CEP128: variants seen among roughly 807,000 people sequenced by gnomAD.
CEP128 encodes centrosomal protein 128kDa.
In CEP128, 132 loss-of-function variants were observed where a neutral mutation model predicts 156.7. The ratio of observed to expected loss-of-function variants is 0.84; its 90% CI spans 0.73 to 0.97. The LOEUF (loss-of-function observed/expected upper bound fraction) is 0.97, where lower values mean the gene tolerates loss of function less well. Among genes scored for constraint, CEP128 ranks in the 50% least tolerant of loss-of-function variants. CEP128 has a pLI of 0.00. For synonymous variants in CEP128, 469 were observed against 448.9 expected, an observed-to-expected ratio of 1.04 and a Z score of -0.57; for missense variants, 1,252 against 1,281.9, an observed-to-expected ratio of 0.98 and a Z score of 0.36.
upstream of CEP128, among the ~76,000 whole-genome samples, chr14:80,944,308 G>A (rs1324906306): frequency 2.6e-5 from 4 of 152,114 alleles, no homozygotes; most frequent in Non-Finnish European, 5.9e-5. Flanking sequence ...CACATGTTGG[G>A]GGAGGAACCT....
chr14:80,508,309 T>A (rs1282717203), intron 23 of CEP128, among the ~76,000 whole-genome samples: 3 of 152,174 alleles, frequency 2.0e-5, no homozygotes, highest in East Asian at 3.9e-4. Context: ...TTAAAAACTA[T>A]GGAAAAATTC....
intron 15 of CEP128, among the ~76,000 whole-genome samples, chr14:80,780,029 A>AT (rs1211400441): frequency 6.6e-6 from 1 of 152,212 alleles, no homozygotes; most frequent in African/African-American, 2.4e-5. Context: ...CAATGAGGTA[A>AT]TAGACCAATA....
intron 19 of CEP128, among the ~76,000 whole-genome samples, chr14:80,666,889 A>G (rs1432365863): frequency 1.3e-5 from 2 of 152,190 alleles, no homozygotes; most frequent in Non-Finnish European, 2.9e-5. Flanking sequence ...AAGCACTAAT[A>G]AACTTCCAAT....
intron 19 of CEP128, among the ~76,000 whole-genome samples, chr14:80,716,736 T>C (rs1897622186): frequency 6.6e-6 from 1 of 152,196 alleles, no homozygotes; most frequent in African/African-American, 2.4e-5. Flanking sequence ...GCTTGACAAA[T>C]GTTTTCATTT....
chr14:80,728,724 A>T (rs28452095), intron 19 of CEP128, among the ~76,000 whole-genome samples: 4,035 of 152,226 alleles, frequency 0.027, 182 homozygotes, highest in African/African-American at 0.092. Flanking sequence ...CTCTTAATAG[A>T]TTATGTCTCT....
chr14:80,958,971 T>C (rs1197472346), intron 1 of CEP128, among the ~76,000 whole-genome samples: 1 of 152,234 alleles, frequency 6.6e-6, no homozygotes, highest in Non-Finnish European at 1.5e-5. Context: ...TTAGACATTT[T>C]ACAAATTATG....
At chr14:80,898,075 C>T (rs916156510) in intron 7 of CEP128, among the ~76,000 whole-genome samples, 2 of 152,178 alleles carry the variant, frequency 1.3e-5, no homozygotes, top group African/African-American at 2.4e-5. Flanking sequence ...CCACTGTGCC[C>T]GGTCCAAATC....
intron 19 of CEP128, among the ~76,000 whole-genome samples, chr14:80,718,881 G>A (rs10083541): frequency 0.027 from 4,040 of 152,240 alleles, 182 homozygotes; most frequent in African/African-American, 0.092. Context: ...TTTTTTCTGA[G>A]TGTTGGCTTA....
intron 15 of CEP128, among the ~76,000 whole-genome samples, chr14:80,782,161 T>C (rs1010233332): frequency 6.6e-6 from 1 of 152,218 alleles, no homozygotes; most frequent in African/African-American, 2.4e-5. Context: ...AGTCACCCTC[T>C]TCACTGTGGT....
chr14:80,945,221 G>A (rs895288314), upstream of CEP128, among the ~76,000 whole-genome samples: 2 of 152,132 alleles, frequency 1.3e-5, no homozygotes, highest in African/African-American at 4.8e-5. Context: ...GCTTTTCCCT[G>A]TATGAGCACA....
chr14:80,757,986 C>T (rs1216831863), intron 17 of CEP128, among the ~76,000 whole-genome samples: 6 of 152,186 alleles, frequency 3.9e-5, no homozygotes, highest in African/African-American at 1.2e-4. Context: ...GTATTTCCTT[C>T]CTCTTCCAGT....
intron 19 of CEP128, among the ~76,000 whole-genome samples, chr14:80,634,791 G>C (rs181128612): frequency 1.3e-5 from 2 of 152,200 alleles, no homozygotes; most frequent in Admixed American, 1.3e-4. Context: ...TGCCTGAATT[G>C]TAACAAAAGC....
At chr14:80,685,077 A>G (rs542862772) in intron 19 of CEP128, among the ~76,000 whole-genome samples, 1 of 152,242 alleles carries the variant, frequency 6.6e-6, no homozygotes, top group East Asian at 1.9e-4. Context: ...TATTCAACAT[A>G]GTAATAGAAG....
chr14:80,939,096 G>C (rs1021291269), intron 2 of CEP128, among the ~76,000 whole-genome samples: 1 of 152,096 alleles, frequency 6.6e-6, no homozygotes, highest in Admixed American at 6.6e-5. Flanking sequence ...GCCTGTAAAA[G>C]GTGTCTGACA....
At chr14:80,576,156 A>G (rs1270840640) in intron 20 of CEP128, among the ~76,000 whole-genome samples, 2 of 152,062 alleles carry the variant, frequency 1.3e-5, no homozygotes, top group African/African-American at 4.8e-5. Context: ...CAGCAGCAAC[A>G]CCTACCGCTA....
At chr14:80,768,868 T>G (rs1454844673) in intron 16 of CEP128, among the ~76,000 whole-genome samples, 2 of 152,216 alleles carry the variant, frequency 1.3e-5, no homozygotes, top group African/African-American at 4.8e-5. Context: ...ACAAAGACGA[T>G]GAACAGCATA....
intron 13 of CEP128, among the ~76,000 whole-genome samples, chr14:80,827,028 C>G (rs1008256652): frequency 6.6e-6 from 1 of 152,070 alleles, no homozygotes; most frequent in African/African-American, 2.4e-5. Context: ...TATGCAAACT[C>G]AAATGTAGCT....
At chr14:80,656,884 G>A (rs928502151) in intron 19 of CEP128, among the ~76,000 whole-genome samples, 7 of 152,072 alleles carry the variant, frequency 4.6e-5, no homozygotes, top group African/African-American at 9.7e-5. Context: ...TAAACAGAGC[G>A]AACCAGATAT....
intron 13 of CEP128, among the ~76,000 whole-genome samples, chr14:80,808,638 C>T (rs1360199079): frequency 6.6e-6 from 1 of 152,112 alleles, no homozygotes; most frequent in Admixed American, 6.5e-5. Context: ...CCCACCATTG[C>T]CACTATGAAG....
Sources: gnomAD v4.1 joint callset for allele counts (sites outside exome capture counted in the v4.1 genomes callset) on GRCh38, gnomAD v4.1.1 for gene constraint, MANE v1.5 for transcripts, NCBI Gene and HGNC (gene_info 2026-07-23, HGNC 2026-07-21) for gene names.